Variants in SFSWAP observed in about 807,000 individuals in gnomAD.
SFSWAP encodes the protein splicing factor SWAP, also known as splicing factor, suppressor of white-apricot homolog.
Under a neutral mutation model 100.7 loss-of-function variants are expected in SFSWAP, and 17 were observed. The ratio of observed to expected loss-of-function variants is 0.17; its 90% CI spans 0.12 to 0.25. The LOEUF (loss-of-function observed/expected upper bound fraction) is 0.25, where lower values mean the gene tolerates loss of function less well. SFSWAP is among the 10% of genes least tolerant of loss of function. The pLI is 1.00. For synonymous variants in SFSWAP, 504 were observed against 510.1 expected, an observed-to-expected ratio of 0.99 and a Z score of 0.16; for missense variants, 1,005 against 1,262.6, an observed-to-expected ratio of 0.80 and a Z score of 3.09.
At chr12:131,764,382 C>A in intron 11 of SFSWAP, 74 bp from the exon 12 acceptor site, 1 of 1,199,722 alleles carries the variant, frequency 8.3e-7, no homozygotes, top group Non-Finnish European at 1.2e-6. Context: ...GCAGCCGATG[C>A]TCAGGTGGGT....
chr12:131,789,783 T>G (rs1885128182), intron 15 of SFSWAP, among the ~76,000 whole-genome samples: 1 of 152,234 alleles, frequency 6.6e-6, no homozygotes, highest in Non-Finnish European at 1.5e-5. Context: ...GTGGCTGGGT[T>G]CAGGGCAAAT....
chr12:131,750,718 G>A (rs1881542552), intron 7 of SFSWAP, among the ~76,000 whole-genome samples: 1 of 152,090 alleles, frequency 6.6e-6, no homozygotes, highest in Admixed American at 6.6e-5. Context: ...CAGCTCAGGG[G>A]CTCACTCCAT....
intron 14 of SFSWAP, chr12:131,785,019 G>A (rs372987295): frequency 3.7e-5 from 53 of 1,433,528 alleles, no homozygotes; most frequent in East Asian, 1.8e-4. Flanking sequence ...TTCTGGTAGC[G>A]CCCAGCCCAG....
At position 131,778,150 on chromosome 12, in the gene SFSWAP, G is replaced by A. The variant is rs769329982; in HGVS notation, c.2228G>A (p.Ser743Asn). ...GTTAAACCACCCGATAGGCCTTCGA[G>A]CAAAAGCAAAGATCCACCGAGAGAA... ...LEVKPPDRPS[S>N]KSKDPPREEE... Residue 743 changes from serine to asparagine, a missense_variant, in exon 14 of 18, where the codon AGC (serine) becomes AAC (asparagine). Ser to Asn is a conservative substitution (Grantham distance 46, BLOSUM62 1). This residue lies in a region of SFSWAP where 295 missense variants were observed against 347.9 expected (regional missense o/e 0.85). Coordinates refer to ENST00000261674, the MANE Select transcript of SFSWAP (RefSeq NM_004592.4). The surrounding 1 kb of genome is among the most constrained non-coding windows in gnomAD (Gnocchi z 4.2). The A allele has an allele frequency of 6.2e-6, 10 of 1,612,132 alleles. No individual in the cohort carries two copies. The South Asian group carries it at 1.1e-4, about 18-fold the overall frequency.
intron 7 of SFSWAP, among the ~76,000 whole-genome samples, chr12:131,737,171 G>A (rs1880113226): frequency 6.6e-6 from 1 of 152,210 alleles, no homozygotes; most frequent in Non-Finnish European, 1.5e-5. Flanking sequence ...GAGCGCTGCA[G>A]GGCCACCCAC....
chr12:131,744,468 T>G (rs1279226045), intron 7 of SFSWAP, among the ~76,000 whole-genome samples: 1 of 152,246 alleles, frequency 6.6e-6, no homozygotes, highest in Non-Finnish European at 1.5e-5. Context: ...AAGTCACCTT[T>G]GCCTCAGTTC....
intron 11 of SFSWAP, among the ~76,000 whole-genome samples, chr12:131,764,227 G>A (rs550232526): frequency 6.6e-5 from 10 of 152,326 alleles, no homozygotes; most frequent in African/African-American, 2.4e-4. Flanking sequence ...TCCCCAGTCA[G>A]TGCGGTTCTC....
intron 11 of SFSWAP, among the ~76,000 whole-genome samples, chr12:131,760,216 C>G (rs1012031772): frequency 7.2e-5 from 11 of 152,114 alleles, no homozygotes; most frequent in Admixed American, 4.6e-4. Flanking sequence ...ATTGGTAGGT[C>G]TAATGGGGGC....
intron 11 of SFSWAP, among the ~76,000 whole-genome samples, chr12:131,763,802 T>C (rs1882870499): frequency 6.6e-6 from 1 of 151,826 alleles, no homozygotes; most frequent in Non-Finnish European, 1.5e-5. Context: ...TTTAGATATA[T>C]GCTGAGCCAT....
At chr12:131,760,862 G>A (rs1392354982) in intron 11 of SFSWAP, among the ~76,000 whole-genome samples, 3 of 152,034 alleles carry the variant, frequency 2.0e-5, no homozygotes, top group Non-Finnish European at 2.9e-5. Flanking sequence ...TCACGAAGTC[G>A]GGATTTCGAG....
At chr12:131,760,538 A>G (rs1882569231) in intron 11 of SFSWAP, among the ~76,000 whole-genome samples, 1 of 152,240 alleles carries the variant, frequency 6.6e-6, no homozygotes, top group African/African-American at 2.4e-5. Flanking sequence ...TTTTGAGTGT[A>G]AGTCGATAGA....
At chr12:131,721,901 T>G (rs1878508107) in intron 4 of SFSWAP, among the ~76,000 whole-genome samples, 2 of 152,250 alleles carry the variant, frequency 1.3e-5, no homozygotes, top group African/African-American at 4.8e-5. Flanking sequence ...GCGTCTTTCA[T>G]TTATTTTATG....
chr12:131,769,138 G>A (rs1481790193), intron 13 of SFSWAP, among the ~76,000 whole-genome samples: 2 of 129,616 alleles, frequency 1.5e-5, no homozygotes, highest in African/African-American at 5.3e-5. Context: ...AAAAAAAAAA[G>A]GATGTTCTGC....
intron 16 of SFSWAP, 81 bp from the exon 17 acceptor site, chr12:131,798,956 G>A (rs968068012): frequency 1.1e-5 from 11 of 972,000 alleles, no homozygotes; most frequent in Admixed American, 8.7e-5. Context: ...GTTGGGGTTC[G>A]GAGGTGGGGA....
chr12:131,757,721 A>G (rs1000936818), intron 11 of SFSWAP, among the ~76,000 whole-genome samples: 3 of 152,162 alleles, frequency 2.0e-5, no homozygotes, highest in African/African-American at 7.2e-5. Context: ...AGCGAAACCA[A>G]ATCCATGTGG....
chr12:131,776,323 C>A, intron 13 of SFSWAP, among the ~76,000 whole-genome samples: 1 of 152,150 alleles, frequency 6.6e-6, no homozygotes, highest in Admixed American at 6.6e-5. Flanking sequence ...CCCTCTTGCC[C>A]GCCGCACACC....
intron 13 of SFSWAP, among the ~76,000 whole-genome samples, chr12:131,771,268 A>G (rs1019954812): frequency 6.6e-6 from 1 of 152,134 alleles, no homozygotes; most frequent in Non-Finnish European, 1.5e-5. Context: ...GTAGGTATTT[A>G]GTGACCGAAT....
chr12:131,711,798 C>T lies in SFSWAP; in HGVS notation c.218+351C>T, dbSNP rs548016136. The stretch of plus-strand genomic sequence containing the variant: ...TTTTCCTGAGTGCACCTGGGCCTGC[C>T]GCCCGGCGATGCCATGGGGTCGTGC... On this transcript the variant is annotated intron_variant, in intron 1 of 17. Transcript: ENST00000261674. This position sits in a 1 kb window ranked among gnomAD's most constrained non-coding sequence, Gnocchi z 4.9. 1.1e-3 allele frequency: 284 copies of T among 248,306 alleles called. No homozygotes were observed. The highest frequency in any genetic ancestry group is 1.9e-3 in the Non-Finnish European group (236 of 125,452). The allele number at this position is 248,306 out of a possible 1,614,324, so 15.4% of individuals were successfully genotyped here.
chr12:131,767,930 G>C (rs867174417), intron 13 of SFSWAP, among the ~76,000 whole-genome samples: 3 of 152,232 alleles, frequency 2.0e-5, no homozygotes, highest in Middle Eastern at 3.4e-3. Context: ...AAGTTGGAAA[G>C]AATAAAAAAG....
Sources: gnomAD v4.1 joint callset for allele counts (sites outside exome capture counted in the v4.1 genomes callset) on GRCh38, gnomAD v4.1.1 for gene constraint, gnomAD v4.1.1 regional missense constraint, Gnocchi (gnomAD v3.1) non-coding constraint, MANE v1.5 for transcripts, NCBI Gene and HGNC (gene_info 2026-07-23, HGNC 2026-07-21) for gene names.